PLCH1: variants seen among roughly 807,000 people sequenced by gnomAD.
The protein encoded by PLCH1 is 1-phosphatidylinositol 4,5-bisphosphate phosphodiesterase eta-1.
In PLCH1, 60 loss-of-function variants were observed where a neutral mutation model predicts 126.7. The observed-to-expected ratio is 0.47, with a 90% confidence interval of 0.38 to 0.59. The LOEUF is 0.59. Among genes scored for constraint, PLCH1 ranks in the 20% least tolerant of loss-of-function variants. The pLI is 0.00. For missense variants in PLCH1, 1,723 were observed against 2,040.0 expected (o/e 0.84, Z 2.99); for synonymous variants, 719 against 734.9 (o/e 0.98, Z 0.35).
intron 2 of PLCH1, among the ~76,000 whole-genome samples, chr3:155,645,657 T>C (rs967545181): frequency 6.6e-6 from 1 of 151,920 alleles, no homozygotes. Context: ...TTTTCTTTTT[T>C]TTCAGTAGTG....
At chr3:155,671,370 G>C (rs992838069) in intron 2 of PLCH1, among the ~76,000 whole-genome samples, 1 of 152,124 alleles carries the variant, frequency 6.6e-6, no homozygotes, top group Non-Finnish European at 1.5e-5. Context: ...CTTTTCCTCT[G>C]ATGCTATGTT....
At chr3:155,635,168 C>T (rs1738571074) in intron 2 of PLCH1, among the ~76,000 whole-genome samples, 1 of 151,970 alleles carries the variant, frequency 6.6e-6, no homozygotes, top group Non-Finnish European at 1.5e-5. Flanking sequence ...AATCTCTCAG[C>T]TCTATTGCCA....
intron 1 of PLCH1, among the ~76,000 whole-genome samples, chr3:155,704,799 G>A (rs1746533669): frequency 6.6e-6 from 1 of 152,178 alleles, no homozygotes; most frequent in African/African-American, 2.4e-5. Context: ...AGGACTGCTA[G>A]GGCCTGGATC....
intron 21 of PLCH1, among the ~76,000 whole-genome samples, chr3:155,474,032 T>C (rs1185943289): frequency 4.6e-5 from 7 of 152,044 alleles, no homozygotes; most frequent in South Asian, 2.1e-4. Context: ...ACTTCATGTC[T>C]AAAACACCAA....
chr3:155,451,836 TC>T (rs1313059338), intron 21 of PLCH1, among the ~76,000 whole-genome samples: 1 of 152,182 alleles, frequency 6.6e-6, no homozygotes, highest in African/African-American at 2.4e-5. Context: ...CTTTCCTGGT[TC>T]TCAGACCTTC....
At chr3:155,712,613 G>A (rs1251062599) in intron 1 of PLCH1, among the ~76,000 whole-genome samples, 3 of 152,144 alleles carry the variant, frequency 2.0e-5, no homozygotes, top group African/African-American at 7.2e-5. Flanking sequence ...GGTAGCAGAT[G>A]CCTGTAATCC....
At chr3:155,583,125 T>C (rs933449974) in intron 6 of PLCH1, among the ~76,000 whole-genome samples, 1 of 150,166 alleles carries the variant, frequency 6.7e-6, no homozygotes, top group Non-Finnish European at 1.5e-5. Flanking sequence ...TTTATACTAA[T>C]ATATAGTATA....
At chr3:155,456,875 C>A (rs886314484) in intron 21 of PLCH1, 8 of 153,096 alleles carry the variant, frequency 5.2e-5, no homozygotes, top group Non-Finnish European at 1.0e-4. Context: ...TGCCTCCAGG[C>A]AAGGTGGCCA....
intron 11 of PLCH1, among the ~76,000 whole-genome samples, chr3:155,518,249 G>A (rs1720619158): frequency 6.6e-6 from 1 of 152,220 alleles, no homozygotes; most frequent in Non-Finnish European, 1.5e-5. Context: ...GGGGGAGACT[G>A]TATTGTACTA....
downstream of PLCH1, among the ~76,000 whole-genome samples, chr3:155,476,200 A>G (rs1202188321): frequency 1.3e-5 from 2 of 152,210 alleles, no homozygotes; most frequent in Non-Finnish European, 2.9e-5. Context: ...TAAAGAATAA[A>G]AAACATATGA....
intron 2 of PLCH1, among the ~76,000 whole-genome samples, chr3:155,697,073 A>G (rs421072): frequency 0.4 from 60,604 of 152,032 alleles, 12,843 homozygotes; most frequent in African/African-American, 0.53. Flanking sequence ...AGCATGACAG[A>G]GAGATCACAG....
intron 2 of PLCH1, among the ~76,000 whole-genome samples, chr3:155,652,572 T>A (rs978239957): frequency 1.6e-4 from 24 of 152,210 alleles, no homozygotes; most frequent in Non-Finnish European, 1.3e-4. Flanking sequence ...CATTTATTCA[T>A]CAAACGCTTA....
At chr3:155,529,830 G>A (rs1220196757) in intron 10 of PLCH1, among the ~76,000 whole-genome samples, 3 of 152,006 alleles carry the variant, frequency 2.0e-5, no homozygotes, top group African/African-American at 7.2e-5. Context: ...GCAATGGCAC[G>A]ACCTCGGCTC....
intron 2 of PLCH1, among the ~76,000 whole-genome samples, chr3:155,620,091 A>G (rs1251251047): frequency 6.6e-6 from 1 of 152,222 alleles, no homozygotes; most frequent in Non-Finnish European, 1.5e-5. Context: ...TGTACTACAG[A>G]TTTCAAAATC....
chr3:155,606,088 G>A (rs1734313431), intron 2 of PLCH1, among the ~76,000 whole-genome samples: 1 of 152,164 alleles, frequency 6.6e-6, no homozygotes, highest in Non-Finnish European at 1.5e-5. Context: ...TTAAAAGTCA[G>A]CTTAATTAAA....
intron 6 of PLCH1, among the ~76,000 whole-genome samples, chr3:155,569,143 A>T (rs989222947): frequency 6.6e-6 from 1 of 152,160 alleles, no homozygotes; most frequent in Admixed American, 6.5e-5. Flanking sequence ...TCACTGGGAA[A>T]GGTAAACTCT....
At chr3:155,467,236 C>T (rs1712960387) in intron 21 of PLCH1, among the ~76,000 whole-genome samples, 1 of 150,830 alleles carries the variant, frequency 6.6e-6, no homozygotes, top group Admixed American at 6.6e-5. Flanking sequence ...GAAAGATCTT[C>T]AGTAGAAGTC....
At chr3:155,702,856 C>T (rs1272182778) in intron 2 of PLCH1, among the ~76,000 whole-genome samples, 1 of 152,096 alleles carries the variant, frequency 6.6e-6, no homozygotes, top group Non-Finnish European at 1.5e-5. Flanking sequence ...AGAGATAAAG[C>T]AATGAACAGG....
At chr3:155,616,524 A>G (rs919252107) in intron 2 of PLCH1, among the ~76,000 whole-genome samples, 1 of 152,168 alleles carries the variant, frequency 6.6e-6, no homozygotes, top group African/African-American at 2.4e-5. Context: ...AAAGGTTATA[A>G]AAGGTTTATT....
Sources: allele counts gnomAD v4.1 joint callset (sites outside exome capture counted in the v4.1 genomes callset), GRCh38; gene constraint gnomAD v4.1.1; transcripts MANE v1.5; gene names NCBI Gene and HGNC (gene_info 2026-07-23, HGNC 2026-07-21).